Variants in FAM199X observed in about 807,000 individuals in gnomAD.
The protein encoded by FAM199X is family with sequence similarity 199, X-linked.
A neutral mutation model predicts 22.9 loss-of-function variants in FAM199X; 4 were observed. The ratio of observed to expected loss-of-function variants is 0.17; its 90% CI spans 0.09 to 0.40. FAM199X has a LOEUF of 0.40. FAM199X is among the 10% of genes least tolerant of loss of function. The pLI is 1.00. For missense variants in FAM199X, 183 were observed against 306.8 expected (o/e 0.60, Z 3.01); for synonymous variants, 101 against 112.3 (o/e 0.90, Z 0.64).
chrX:104,170,427 T>A (rs781815156), intron 1 of FAM199X, among the ~76,000 whole-genome samples: 15 of 110,832 alleles, frequency 1.4e-4, no homozygotes, highest in Non-Finnish European at 2.6e-4. Flanking sequence ...AAATACAGAT[T>A]TGGGAGTAAT....
At position 104,191,760 on chromosome X, in the gene FAM199X, T is replaced by G. The variant is rs1921946102; in HGVS notation, c.*1982T>G. ...TATCTGTCAAATACTTGGAAACTAT[T>G]TACTTAACGGTCATCAGTAAAAAAC... On this transcript the variant is annotated 3_prime_UTR_variant, in exon 6 of 6. Transcript: ENST00000493442. The G allele has an allele frequency of 8.9e-6, 1 of 111,856 alleles. No individual in the cohort carries two copies. Among genetic ancestry groups the G allele is most frequent in the Non-Finnish European group, 1.9e-5 (1 of 53,060 alleles). The allele number at this position is 111,856 out of a possible 1,213,427, so 9.2% of individuals were successfully genotyped here.
chrX:104,185,075 T>TA (rs1222329842), intron 2 of FAM199X, among the ~76,000 whole-genome samples: 1 of 103,120 alleles, frequency 9.7e-6, no homozygotes, highest in Non-Finnish European at 2.0e-5. Flanking sequence ...TTTTTTTTTT[T>TA]TTTTTTTTTT....
At chrX:104,185,087 T>TA (rs1458204223) in intron 2 of FAM199X, among the ~76,000 whole-genome samples, 40 of 103,164 alleles carry the variant, frequency 3.9e-4, no homozygotes, top group African/African-American at 1.3e-3. Context: ...TTTTTTTTTT[T>TA]AGAGAGACGG....
At chrX:104,159,533 G>A in the FAM199X span, among the ~76,000 whole-genome samples, 3 of 112,614 alleles carry the variant, frequency 2.7e-5, no homozygotes, top group South Asian at 3.6e-4. Context: ...AATGCTCTAC[G>A]TACATAATTT....
chrX:104,168,801 G>C (rs1921279453), intron 1 of FAM199X, among the ~76,000 whole-genome samples: 1 of 110,380 alleles, frequency 9.1e-6, no homozygotes, highest in African/African-American at 3.3e-5. Context: ...TTTCAATGGG[G>C]CAGTGAGGAG....
At chrX:104,175,573 T>G (rs782789461) in intron 1 of FAM199X, 50 bp from the exon 2 acceptor site, 1 of 1,008,959 alleles carries the variant, frequency 9.9e-7, no homozygotes, top group South Asian at 2.1e-5. Context: ...ATCTTAAAAT[T>G]GTATGGATTC....
intron 1 of FAM199X, among the ~76,000 whole-genome samples, chrX:104,172,252 A>G (rs1921373120): frequency 9.4e-6 from 1 of 106,693 alleles, no homozygotes; most frequent in Non-Finnish European, 1.9e-5. Context: ...AAAAAAAAAA[A>G]AAAAAGAAAT....
chrX:104,161,125 C>CA, the FAM199X span, among the ~76,000 whole-genome samples: 1 of 110,938 alleles, frequency 9.0e-6, no homozygotes, highest in Non-Finnish European at 1.9e-5. Context: ...TCTTCCTCTC[C>CA]AAAAAAATCA....
At chrX:104,165,403 T>C (rs1270214243), upstream of FAM199X, among the ~76,000 whole-genome samples, 1 of 112,000 alleles carries the variant, frequency 8.9e-6, no homozygotes, top group Non-Finnish European at 1.9e-5. Flanking sequence ...CCTCTTTCTC[T>C]TCTTCCTCCT....
chrX:104,169,753 A>G (rs1321772381), intron 1 of FAM199X, among the ~76,000 whole-genome samples: 3 of 111,811 alleles, frequency 2.7e-5, no homozygotes, highest in African/African-American at 6.5e-5. Flanking sequence ...TTTTTAGTAG[A>G]GACAGGGTTT....
rs1921946568 is a variant in FAM199X, at chrX:104,191,768, C to T, written c.*1990C>T. ...AAATACTTGGAAACTATTTACTTAA[C>T]GGTCATCAGTAAAAAACCCTAAACA... On this transcript the variant is annotated 3_prime_UTR_variant, in exon 6 of 6. Coordinates refer to ENST00000493442, the MANE Select transcript of FAM199X (RefSeq NM_207318.4). 1 of 111,766 alleles carries T rather than the reference C, an allele frequency of 8.9e-6. No homozygotes were observed. The highest frequency in any genetic ancestry group is 1.9e-5 in the Non-Finnish European group (1 of 53,036). The allele number at this position is 111,766 out of a possible 1,213,427, so 9.2% of individuals were successfully genotyped here.
chrX:104,166,725 G>A lies in FAM199X; in HGVS notation c.-61G>A. 9.2e-7 allele frequency: 1 copy of A among 1,090,457 alleles called. No individual in the cohort carries two copies. Among genetic ancestry groups the A allele is most frequent in the Non-Finnish European group, 1.2e-6 (1 of 809,136 alleles). The allele number at this position is 1,090,457 out of a possible 1,213,427, so 89.9% of individuals were successfully genotyped here. The stretch of plus-strand genomic sequence containing the variant: ...CTGCGGACAGGTTAGAGTGGGGGCA[G>A]GGGCGGGCGCGGGAGCAGCCCAGGG... On this transcript the variant is annotated 5_prime_UTR_variant, in exon 1 of 6. Coordinates refer to ENST00000493442, the MANE Select transcript of FAM199X (RefSeq NM_207318.4).
At position 104,194,073 on chromosome X, in the gene FAM199X, A is replaced by G. The variant is rs1305466844; in HGVS notation, c.*4295A>G. The G allele has an allele frequency of 9.0e-6, 1 of 111,715 alleles. No individual in the cohort carries two copies. The highest frequency in any genetic ancestry group is 1.9e-5 in the Non-Finnish European group (1 of 52,934). 9.2% of individuals were successfully genotyped at this position (111,715 alleles called of 1,213,427 possible). On this transcript the variant is annotated 3_prime_UTR_variant, in exon 6 of 6. Coordinates refer to ENST00000493442, the MANE Select transcript of FAM199X (RefSeq NM_207318.4). ...ATTTTCTTATTTTTTTAACATTAAA[A>G]TTATTTCTTTTTGGCTCTCCCTCTA...
chrX:104,177,505 T>C (rs1463783569), intron 2 of FAM199X, among the ~76,000 whole-genome samples: 1 of 112,296 alleles, frequency 8.9e-6, no homozygotes, highest in Admixed American at 9.4e-5. Flanking sequence ...CTGGATCATA[T>C]GATCACTTGC....
chrX:104,165,788 G>A (rs1237070184), upstream of FAM199X, among the ~76,000 whole-genome samples: 1 of 111,504 alleles, frequency 9.0e-6, no homozygotes, highest in Non-Finnish European at 1.9e-5. Flanking sequence ...TTTTCTACGG[G>A]AGGGAGGGGG....
Position 104,175,841 on chromosome X carries a change from A to G in FAM199X, c.416A>G (p.Gln139Arg), listed in dbSNP as rs1569467062. Residue 139 changes from glutamine (Q) to arginine (R), a missense_variant and splice_region_variant, in exon 2 of 6, where the codon CAG (glutamine) becomes CGG (arginine). Gln to Arg is a conservative substitution (Grantham distance 43). This residue lies in a region of FAM199X where 128 missense variants were observed against 246.2 expected (regional missense o/e 0.52). Coordinates refer to ENST00000493442, the MANE Select transcript of FAM199X (RefSeq NM_207318.4). The stretch of plus-strand genomic sequence containing the variant: ...TGGTCAGATAGCGAGTTTGAATGGC[A>G]GGTAAGTTTTTTTGTCCTTTTCTTG... ...WDWSDSEFEW[Q>R]LPGSDIASGS... 1 of 1,196,545 alleles carries G rather than the reference A, an allele frequency of 8.4e-7. No individual in the cohort carries two copies. The highest frequency in any genetic ancestry group is 1.1e-6 in the Non-Finnish European group (1 of 885,234).
rs1175526542 is a variant in FAM199X at position 104,193,687 on chromosome X, A to T, written c.*3909A>T. 8.9e-6 allele frequency: 1 copy of T among 112,139 alleles called. No homozygotes were observed. Among genetic ancestry groups the T allele is most frequent in the Non-Finnish European group, 1.9e-5 (1 of 53,040 alleles). The allele number at this position is 112,139 out of a possible 1,213,427, so 9.2% of individuals were successfully genotyped here. On this transcript the variant is annotated 3_prime_UTR_variant, in exon 6 of 6. Transcript: ENST00000493442. ...TGTTGAGGGCACTGACTCATTCAGC[A>T]TGTCTGAACTAGAAGTAAATTTAAT... is the stretch of plus-strand genomic sequence containing the variant.
chrX:104,165,372 A>G (rs1445731393), upstream of FAM199X, among the ~76,000 whole-genome samples: 3 of 111,595 alleles, frequency 2.7e-5, no homozygotes, highest in Admixed American at 9.5e-5. Flanking sequence ...TGTTTTAGTG[A>G]CAACCCCCCA....
chrX:104,187,098 C>CTTT (rs781858012), intron 4 of FAM199X, among the ~76,000 whole-genome samples: 2 of 98,839 alleles, frequency 2.0e-5, no homozygotes, highest in African/African-American at 7.5e-5. Flanking sequence ...GTATCATCTT[C>CTTT]TTTTTTTTTT....
Sources: allele counts gnomAD v4.1 joint callset (sites outside exome capture counted in the v4.1 genomes callset), GRCh38; gene constraint gnomAD v4.1.1; regional missense constraint gnomAD v4.1.1; transcripts MANE v1.5; gene names NCBI Gene and HGNC (gene_info 2026-07-23, HGNC 2026-07-21).